FHIP2A: variants seen among roughly 807,000 people sequenced by gnomAD.
FHIP2A encodes the protein family with sequence similarity 160 member B1.
A neutral mutation model predicts 93.5 loss-of-function variants in FHIP2A; 46 were observed. The ratio of observed to expected loss-of-function variants is 0.49; its 90% CI spans 0.39 to 0.63. The LOEUF is 0.63. FHIP2A is among the 20% of genes least tolerant of loss of function. The pLI is 0.00. For synonymous variants in FHIP2A, 332 were observed against 326.5 expected (o/e 1.02, Z -0.18); for missense variants, 769 against 909.7 (o/e 0.85, Z 1.99).
At chr10:114,881,457 A>G (rs2083916733) in intron 16 of FHIP2A, among the ~76,000 whole-genome samples, 1 of 152,174 alleles carries the variant, frequency 6.6e-6, no homozygotes, top group Non-Finnish European at 1.5e-5. Context: ...CTTTCTGCAT[A>G]TAGAGAGCGG....
At chr10:114,891,535 A>G (rs1002597947) in intron 16 of FHIP2A, among the ~76,000 whole-genome samples, 7 of 126,494 alleles carry the variant, frequency 5.5e-5, no homozygotes, top group Non-Finnish European at 1.1e-4. Flanking sequence ...ATATATATAT[A>G]TATGTGTGTG....
Position 114,863,193 on chromosome 10 carries a change from T to C in FHIP2A, c.*1653T>C. 1 of 980,196 alleles carries C rather than the reference T, an allele frequency of 1.0e-6. No individual in the cohort carries two copies. The highest frequency in any genetic ancestry group is 1.2e-6 in the Non-Finnish European group (1 of 825,148). The allele number at this position is 980,196 out of a possible 1,614,324, so 60.7% of individuals were successfully genotyped here. A position where few individuals can be genotyped will look rare whatever the true frequency, so the allele number is the denominator to read the frequency against. The stretch of plus-strand genomic sequence containing the variant: ...AAAAACAGAAGTGGGAGATAGTTAT[T>C]TTGTGCGTAATTTTCTTTAAATCAT... On this transcript the variant is annotated 3_prime_UTR_variant, in exon 17 of 17. Coordinates refer to ENST00000369248, the MANE Select transcript of FHIP2A (RefSeq NM_020940.4).
At chr10:114,830,121 T>G (rs2083599394) in intron 1 of FHIP2A, among the ~76,000 whole-genome samples, 1 of 152,178 alleles carries the variant, frequency 6.6e-6, no homozygotes, top group Non-Finnish European at 1.5e-5. Flanking sequence ...TTAGTAGTGA[T>G]GATGTGGAAC....
chr10:114,874,750 C>T (rs1265028949), intron 16 of FHIP2A, among the ~76,000 whole-genome samples: 7 of 152,116 alleles, frequency 4.6e-5, no homozygotes, highest in African/African-American at 7.2e-5. Context: ...GAGATCCGCC[C>T]GCCTCTGCCT....
rs1342359249 is a variant in FHIP2A, at chr10:114,843,240, C to T, written c.816+14C>T. 6 of 1,539,728 alleles carry T rather than the reference C, an allele frequency of 3.9e-6. No individual in the cohort carries two copies. Among genetic ancestry groups the T allele is most frequent in the Non-Finnish European group, 5.3e-6 (6 of 1,129,500 alleles). On this transcript the variant is annotated intron_variant, in intron 6 of 16. Coordinates refer to ENST00000369248, the MANE Select transcript of FHIP2A (RefSeq NM_020940.4). ...ACTAGAAGTCCTGTGAGTTATGGTC[C>T]TTACTTTTTCCCCCCTAACATTATT...
chr10:114,895,049 T>C (rs1365703950), intron 16 of FHIP2A, among the ~76,000 whole-genome samples: 1 of 152,228 alleles, frequency 6.6e-6, no homozygotes, highest in Non-Finnish European at 1.5e-5. Flanking sequence ...GAAATGATGA[T>C]TGAATATTGT....
In FHIP2A at chr10:114,886,153, C is replaced by T. The variant is rs114553330; in HGVS notation, c.2193-13337C>T. Among the ~76,000 whole-genome samples, 123 of 152,270 alleles carry T rather than the reference C, an allele frequency of 8.1e-4. 1 individual carries two copies. The highest frequency in any genetic ancestry group is 2.9e-3 in the African/African-American group (120 of 41,544). ...ATGAAGAGCTAGGCATTATTCTAAG[C>T]ACATCACATATTATAGATTATTTAT... On this transcript the variant is annotated intron_variant, in intron 16 of 16. Coordinates refer to the FHIP2A transcript ENST00000369250.
At position 114,864,600 on chromosome 10, in the gene FHIP2A, A is replaced by G. The variant is rs1407412937; in HGVS notation, c.*3060A>G. The G allele has an allele frequency of 1.3e-5, 13 of 985,698 alleles. No individual in the cohort carries two copies. Among genetic ancestry groups the G allele is most frequent in the Non-Finnish European group, 1.6e-5 (13 of 829,916 alleles). 61.1% of individuals were successfully genotyped at this position (985,698 alleles called of 1,614,324 possible). On this transcript the variant is annotated 3_prime_UTR_variant, in exon 17 of 17. Transcript: ENST00000369248. ...CCGTGGAGAAACTCTTCAGATGGTC[A>G]TTGTGTACCTACTCTCTCTTCAAAG...
At position 114,860,775 on chromosome 10, in the gene FHIP2A, C is replaced by G; in HGVS notation, c.1974C>G (p.Thr658=). The change falls in exon 15 of 17, where the codon ACC becomes ACG. Residue 658 remains threonine (T), a synonymous_variant. Transcript: ENST00000369248. ...DQPYDVNLQV[T]SVLSRLSLFP... The stretch of plus-strand genomic sequence containing the variant: ...CATATGATGTAAACTTACAAGTAAC[C>G]TCAGTGTTATCTAGACTTTCTCTCT... 1.2e-6 allele frequency: 2 copies of G among 1,606,824 alleles called. No homozygotes were observed. The highest frequency in any genetic ancestry group is 1.3e-5 in the African/African-American group (1 of 74,884).
chr10:114,867,900 C>T (rs912081930), downstream of FHIP2A, among the ~76,000 whole-genome samples: 4 of 151,928 alleles, frequency 2.6e-5, no homozygotes, highest in Admixed American at 1.3e-4. Context: ...CCTGATTTCC[C>T]AAGTATGAGT....
chr10:114,880,511 C>T (rs1260636806), intron 16 of FHIP2A, among the ~76,000 whole-genome samples: 2 of 152,138 alleles, frequency 1.3e-5, no homozygotes. Flanking sequence ...GAAACCCTGT[C>T]TCTAGTAAGA....
At chr10:114,872,784 G>C (rs1366911796) in intron 16 of FHIP2A, among the ~76,000 whole-genome samples, 1 of 152,160 alleles carries the variant, frequency 6.6e-6, no homozygotes, top group East Asian at 1.9e-4. Flanking sequence ...TGGAGTACTA[G>C]CATAGCAATT....
At chr10:114,876,587 A>G (rs2083890280) in intron 16 of FHIP2A, among the ~76,000 whole-genome samples, 1 of 152,192 alleles carries the variant, frequency 6.6e-6, no homozygotes, top group Non-Finnish European at 1.5e-5. Flanking sequence ...ACTGCTTCTC[A>G]GAACCCTCTC....
At chr10:114,867,038 A>G (rs1404720802), downstream of FHIP2A, among the ~76,000 whole-genome samples, 1 of 151,962 alleles carries the variant, frequency 6.6e-6, no homozygotes, top group Non-Finnish European at 1.5e-5. Flanking sequence ...GTGAAACTCC[A>G]TCTCTACTAA....
chr10:114,824,327 G>T (rs866820122), intron 1 of FHIP2A, among the ~76,000 whole-genome samples: 2 of 152,010 alleles, frequency 1.3e-5, no homozygotes, highest in African/African-American at 4.8e-5. Context: ...TCTTGTCCTC[G>T]TTATCTTTTT....
rs549772889 is a variant in FHIP2A at position 114,852,646 on chromosome 10, G to A, written c.1804-2551G>A. Among the ~76,000 whole-genome samples the A allele has an allele frequency of 3.9e-5, 6 of 152,264 alleles. No homozygotes were observed. In the East Asian group the frequency reaches 9.7e-4, roughly 24 times the overall value. Reference sequence around the variant, plus strand: ...TTATTACCTCTGCCAGATTACAGTAGCCTCATAACTTGTTTCCTCAGCTTG... The same window carrying A: ...TTATTACCTCTGCCAGATTACAGTAACCTCATAACTTGTTTCCTCAGCTTG... On this transcript the variant is annotated intron_variant, in intron 13 of 16. Coordinates refer to ENST00000369248, the MANE Select transcript of FHIP2A (RefSeq NM_020940.4).
intron 2 of FHIP2A, among the ~76,000 whole-genome samples, chr10:114,831,466 G>T (rs923317873): frequency 2.0e-5 from 3 of 152,168 alleles, no homozygotes; most frequent in Non-Finnish European, 4.4e-5. Flanking sequence ...CATGTGGCAC[G>T]CTTGGCACAT....
At chr10:114,884,034 T>C (rs2083929933) in intron 16 of FHIP2A, among the ~76,000 whole-genome samples, 1 of 152,348 alleles carries the variant, frequency 6.6e-6, no homozygotes, top group South Asian at 2.1e-4. Context: ...TCTATTTCAC[T>C]ATGTAATATG....
At chr10:114,838,153 CCGTGTTGT>C (rs1267264892) in intron 5 of FHIP2A, among the ~76,000 whole-genome samples, 2 of 152,184 alleles carry the variant, frequency 1.3e-5, no homozygotes, top group African/African-American at 2.4e-5. Flanking sequence ...TCCTGTTGCT[CCGTGTTGT>C]CGTCAGCACT....
Sources: gnomAD v4.1 joint callset for allele counts (sites outside exome capture counted in the v4.1 genomes callset) on GRCh38, gnomAD v4.1.1 for gene constraint, MANE v1.5 for transcripts, NCBI Gene and HGNC (gene_info 2026-07-23, HGNC 2026-07-21) for gene names.